CACNA1A: variants seen among roughly 807,000 people sequenced by gnomAD.
CACNA1A encodes the protein voltage-dependent P/Q-type calcium channel subunit alpha-1A.
Under a neutral mutation model 262.4 loss-of-function variants are expected in CACNA1A, and 57 were observed. The ratio of observed to expected loss-of-function variants is 0.22; its 90% CI spans 0.18 to 0.27. The LOEUF is 0.27. Ranked by LOEUF, CACNA1A falls within the 10% of genes least tolerant of loss-of-function variation. The probability of loss-of-function intolerance (pLI) is 1.00; values close to 1 mark genes in which losing one functional copy is unlikely to be tolerated. For missense variants in CACNA1A, 2,526 were observed against 3,562.8 expected, an observed-to-expected ratio of 0.71 and a Z score of 7.41; for synonymous variants, 1,431 against 1,419.3, an observed-to-expected ratio of 1.01 and a Z score of -0.18.
chr19:13,254,553 G>A (rs1257846021), intron 29 of CACNA1A, among the ~76,000 whole-genome samples: 53 of 152,068 alleles, frequency 3.5e-4, no homozygotes. Context: ...GTAGAGATGC[G>A]GTTTCTCCGT....
chr19:13,431,296 G>A (rs765744487), intron 3 of CACNA1A, among the ~76,000 whole-genome samples: 2 of 152,042 alleles, frequency 1.3e-5, no homozygotes, highest in South Asian at 4.1e-4. Context: ...GGCTGGACCG[G>A]GGTGGGGCTG....
At chr19:13,273,429 T>C (rs2057073019) in intron 24 of CACNA1A, 1 of 152,196 alleles carries the variant, frequency 6.6e-6, no homozygotes. Context: ...ACCTCCATTT[T>C]TACTAGTTGC....
chr19:13,226,272 G>A (rs1440529357), intron 37 of CACNA1A: 1 of 73,452 alleles, frequency 1.4e-5, no homozygotes, highest in African/African-American at 5.5e-5. Context: ...GGGGGGGGGC[G>A]GCAGGGAGGG....
At chr19:13,355,497 G>A (rs2058993047) in intron 6 of CACNA1A, among the ~76,000 whole-genome samples, 1 of 152,182 alleles carries the variant, frequency 6.6e-6, no homozygotes, top group Admixed American at 6.5e-5. Flanking sequence ...GCAAGTGAAG[G>A]GTGTGTACGT....
intron 30 of CACNA1A, among the ~76,000 whole-genome samples, chr19:13,249,846 C>T (rs1600168800): frequency 6.6e-6 from 1 of 151,820 alleles, no homozygotes; most frequent in African/African-American, 2.4e-5. Context: ...AGCTGATGCC[C>T]CTAACCACCT....
intron 3 of CACNA1A, among the ~76,000 whole-genome samples, chr19:13,445,781 C>G (rs1323530382): frequency 1.1e-4 from 16 of 152,158 alleles, no homozygotes; most frequent in Admixed American, 1.0e-3. Flanking sequence ...ACATGCCTTA[C>G]AAGGGTTTGA....
In CACNA1A at chr19:13,241,186, T is replaced by C. The variant is rs925263011; in HGVS notation, c.4950+3996A>G. On this transcript the variant is annotated intron_variant, in intron 31 of 46. Coordinates refer to ENST00000360228, the MANE Select transcript of CACNA1A (RefSeq NM_001127222.2). The surrounding 1 kb of genome is among the most constrained non-coding windows in gnomAD (Gnocchi z 4.0). ...GTGGCTGGGAGTGGATTTGCCTCTA[T>C]TGTCTCTGAGTGTAGGGGATGTGTG... Among the ~76,000 whole-genome samples, 1 of 152,064 alleles carries C rather than the reference T, an allele frequency of 6.6e-6. No homozygotes were observed. Among genetic ancestry groups the C allele is most frequent in the Admixed American group, 6.6e-5 (1 of 15,248 alleles).
At chr19:13,403,320 T>C (rs952516096) in intron 3 of CACNA1A, among the ~76,000 whole-genome samples, 1 of 152,188 alleles carries the variant, frequency 6.6e-6, no homozygotes, top group African/African-American at 2.4e-5. Flanking sequence ...TGAACTCATT[T>C]GCATGCTCAA....
chr19:13,212,408 C>T lies in CACNA1A; in HGVS notation c.6165G>A (p.Met2055Ile). 6.2e-7 allele frequency: 1 copy of T among 1,613,592 alleles called. No homozygotes were observed. Among genetic ancestry groups the T allele is most frequent in the Non-Finnish European group, 8.5e-7 (1 of 1,179,744 alleles). Residue 2055 changes from methionine (M) to isoleucine (I), a missense_variant, in exon 42 of 47, where the codon ATG becomes ATA. Transcript: ENST00000360228. The surrounding 1 kb of genome is among the most constrained non-coding windows in gnomAD (Gnocchi z 5.6). ...CCTGAGAGTTAGGCTGGCTGTTGGG[C>T]ATGTCGGTAGGGGGGCCTTGTTCCG... is the stretch of plus-strand genomic sequence containing the variant. ...WSPEQGPPTDMPNSQPNSQSV... is the reference protein window; with the variant it reads ...WSPEQGPPTDIPNSQPNSQSV...
chr19:13,282,496 A>G (rs1239843308), intron 22 of CACNA1A, among the ~76,000 whole-genome samples: 1 of 151,778 alleles, frequency 6.6e-6, no homozygotes, highest in Non-Finnish European at 1.5e-5. Context: ...GCTTGTCAGG[A>G]CTCAAAGGGG....
At chr19:13,354,323 T>C (rs2058967211) in intron 6 of CACNA1A, among the ~76,000 whole-genome samples, 1 of 152,172 alleles carries the variant, frequency 6.6e-6, no homozygotes. Flanking sequence ...CCCACTGGCT[T>C]CGGCTCCAGC....
At chr19:13,336,594 G>GGAGAGAGAGGGAGGGAGAGAGAGA (rs1555768093) in intron 6 of CACNA1A, among the ~76,000 whole-genome samples, 1 of 65,492 alleles carries the variant, frequency 1.5e-5, no homozygotes. Context: ...AGAGAGAGAG[G>GGAGAGAGAGGGAGGGAGAGAGAGA]GAGAGAGAGA....
At chr19:13,209,221 TCTTCTTCCTTAGTGTCTCCTCCGCCCTGC>T (rs1339856549) in intron 45 of CACNA1A, 62 bp downstream of exon 45, 1 of 1,396,040 alleles carries the variant, frequency 7.2e-7, no homozygotes, top group African/African-American at 1.5e-5. Context: ...CCTCTCCCTT[TCTTCTTCCTTAGTGTCTCCTCCGCCCTGC>T]CTTCTCCTCC....
intron 11 of CACNA1A, chr19:13,315,478 C>T (rs1014115684): frequency 2.0e-5 from 3 of 152,136 alleles, no homozygotes; most frequent in Non-Finnish European, 4.4e-5. Context: ...GGCAGGAAGT[C>T]TCAGTCCCTT....
intron 24 of CACNA1A, among the ~76,000 whole-genome samples, chr19:13,267,024 G>A (rs1276893990): frequency 6.6e-6 from 1 of 152,092 alleles, no homozygotes; most frequent in Non-Finnish European, 1.5e-5. Context: ...AGTGAGTTCT[G>A]GTCATTTGAA....
intron 3 of CACNA1A, among the ~76,000 whole-genome samples, chr19:13,381,905 C>G (rs1380677603): frequency 6.6e-6 from 1 of 152,020 alleles, no homozygotes; most frequent in Non-Finnish European, 1.5e-5. Flanking sequence ...GGCTTTTTCT[C>G]TGAGTAAGGT....
rs2059416871 is a variant in CACNA1A at position 13,376,763 on chromosome 19, GAC to G, written c.540-4986_540-4985del. On this transcript the variant is annotated intron_variant, in intron 3 of 46. Coordinates refer to ENST00000360228, the MANE Select transcript of CACNA1A (RefSeq NM_001127222.2). The stretch of plus-strand genomic sequence containing the variant: ...ATATATAACACAATATGTTATATGT[GAC>G]ATATATAACACATAATATATGTGAC... 3.6e-5 allele frequency among the ~76,000 whole-genome samples: 5 copies of G among 140,788 alleles called. 1 individual carries two copies. The highest frequency in any genetic ancestry group is 1.3e-4 in the African/African-American group (5 of 37,820). 92.4% of individuals were successfully genotyped at this position (140,788 alleles called of 152,430 possible).
At chr19:13,252,216 C>A (rs2056417936) in intron 30 of CACNA1A, among the ~76,000 whole-genome samples, 1 of 151,764 alleles carries the variant, frequency 6.6e-6, no homozygotes, top group African/African-American at 2.4e-5. Flanking sequence ...GCACGAGTTA[C>A]CATGCCTGGC....
At chr19:13,289,754 T>C (rs1216623990) in intron 19 of CACNA1A, among the ~76,000 whole-genome samples, 1 of 152,202 alleles carries the variant, frequency 6.6e-6, no homozygotes, top group Non-Finnish European at 1.5e-5. Flanking sequence ...TTTGTCTTGC[T>C]GGATTTAGCA....
Sources: allele counts gnomAD v4.1 joint callset (sites outside exome capture counted in the v4.1 genomes callset), GRCh38; gene constraint gnomAD v4.1.1; non-coding constraint Gnocchi (gnomAD v3.1); transcripts MANE v1.5; gene names NCBI Gene and HGNC (gene_info 2026-07-23, HGNC 2026-07-21).